KCNJ3: variants seen among roughly 807,000 people sequenced by gnomAD.
The protein encoded by KCNJ3 is potassium inwardly rectifying channel subfamily J member 3.
In KCNJ3, 4 loss-of-function variants were observed where a neutral mutation model predicts 39.2. That is an observed-to-expected ratio of 0.10 (90% CI 0.05 to 0.23). KCNJ3 has a LOEUF of 0.23. KCNJ3 is among the 10% of genes least tolerant of loss of function. The probability of loss-of-function intolerance (pLI) is 1.00; values close to 1 mark genes in which losing one functional copy is unlikely to be tolerated. For synonymous variants in KCNJ3, 230 were observed against 237.4 expected, an observed-to-expected ratio of 0.97 and a Z score of 0.29; for missense variants, 276 against 634.9, an observed-to-expected ratio of 0.43 and a Z score of 6.08.
chr2:154,783,243 G>A (rs1382876663), intron 2 of KCNJ3, among the ~76,000 whole-genome samples: 1 of 152,140 alleles, frequency 6.6e-6, no homozygotes, highest in Non-Finnish European at 1.5e-5. Context: ...GAAACAACAA[G>A]TAGGATTTTA....
At chr2:154,811,432 G>A (rs542458200) in intron 2 of KCNJ3, among the ~76,000 whole-genome samples, 1 of 152,172 alleles carries the variant, frequency 6.6e-6, no homozygotes, top group Non-Finnish European at 1.5e-5. Flanking sequence ...GACCACAGGT[G>A]CGCACCACCA....
intron 2 of KCNJ3, among the ~76,000 whole-genome samples, chr2:154,752,973 A>C (rs1685872558): frequency 1.3e-5 from 2 of 152,080 alleles, no homozygotes; most frequent in Admixed American, 6.5e-5. Context: ...ACTGTTAATA[A>C]AAATTATATT....
chr2:154,856,825 A>G lies in KCNJ3; in HGVS notation c.*1512A>G, dbSNP rs1156594049. The G allele has an allele frequency of 1.3e-5, 2 of 152,152 alleles. 1 individual carries two copies. Among genetic ancestry groups the G allele is most frequent in the East Asian group, 3.9e-4 (2 of 5,194 alleles). 9.4% of individuals were successfully genotyped at this position (152,152 alleles called of 1,614,324 possible). ...AATTTGGAATGCAGACTTTTATGAAAATTTAAAAGTGCTCCTTAACAGAAT... is the reference window on the plus strand; with the variant it reads ...AATTTGGAATGCAGACTTTTATGAAGATTTAAAAGTGCTCCTTAACAGAAT... On this transcript the variant is annotated 3_prime_UTR_variant, in exon 3 of 3. Transcript: ENST00000295101.
At chr2:154,706,354 A>C (rs1166425306) in intron 1 of KCNJ3, among the ~76,000 whole-genome samples, 1 of 152,148 alleles carries the variant, frequency 6.6e-6, no homozygotes, top group Non-Finnish European at 1.5e-5. Context: ...ACAATGAAGA[A>C]AGGTCAAACT....
intron 2 of KCNJ3, among the ~76,000 whole-genome samples, chr2:154,762,085 C>T (rs1413568623): frequency 3.3e-5 from 5 of 152,110 alleles, no homozygotes; most frequent in African/African-American, 7.2e-5. Context: ...AAGGAATGAA[C>T]GCTCCCTTGG....
chr2:154,747,844 G>T (rs982911550), intron 2 of KCNJ3, among the ~76,000 whole-genome samples: 1 of 151,988 alleles, frequency 6.6e-6, no homozygotes, highest in Non-Finnish European at 1.5e-5. Context: ...AGGGACCTTG[G>T]TTTGGGGAAA....
intron 2 of KCNJ3, among the ~76,000 whole-genome samples, chr2:154,824,888 G>A (rs1316966233): frequency 6.6e-6 from 1 of 152,180 alleles, no homozygotes; most frequent in Non-Finnish European, 1.5e-5. Flanking sequence ...ACTAATGACT[G>A]CAGTGGGGTC....
chr2:154,785,498 G>A (rs1686512274), intron 2 of KCNJ3, among the ~76,000 whole-genome samples: 1 of 152,132 alleles, frequency 6.6e-6, no homozygotes, highest in Admixed American at 6.5e-5. Flanking sequence ...TAGGTCATAA[G>A]GGATCCACTC....
chr2:154,826,221 A>G (rs1687270027), intron 2 of KCNJ3, among the ~76,000 whole-genome samples: 1 of 152,182 alleles, frequency 6.6e-6, no homozygotes, highest in Non-Finnish European at 1.5e-5. Context: ...TACGAGACTA[A>G]TCATTAGAAG....
chr2:154,850,382 C>G (rs936103664), intron 2 of KCNJ3, among the ~76,000 whole-genome samples: 1 of 152,108 alleles, frequency 6.6e-6, no homozygotes, highest in African/African-American at 2.4e-5. Flanking sequence ...CATGCATGTT[C>G]TTAGAAACCA....
intron 2 of KCNJ3, among the ~76,000 whole-genome samples, chr2:154,748,961 C>T (rs905489550): frequency 3.3e-5 from 5 of 152,118 alleles, no homozygotes; most frequent in Non-Finnish European, 7.4e-5. Flanking sequence ...TTTCAGCTGA[C>T]CTGACTTATT....
intron 2 of KCNJ3, among the ~76,000 whole-genome samples, chr2:154,751,258 G>T (rs1376860798): frequency 6.6e-6 from 1 of 151,900 alleles, no homozygotes; most frequent in Non-Finnish European, 1.5e-5. Flanking sequence ...TTTAATATAT[G>T]CTATACATTT....
At chr2:154,770,154 T>C (rs1010057171) in intron 2 of KCNJ3, among the ~76,000 whole-genome samples, 10 of 152,212 alleles carry the variant, frequency 6.6e-5, no homozygotes, top group Admixed American at 1.3e-4. Flanking sequence ...GTATCAAACA[T>C]ATTTGCCACA....
chr2:154,714,122 C>A (rs1685145255), intron 2 of KCNJ3, among the ~76,000 whole-genome samples: 1 of 152,152 alleles, frequency 6.6e-6, no homozygotes, highest in African/African-American at 2.4e-5. Context: ...TCTTTTATAG[C>A]TACAAATGTT....
At chr2:154,748,041 C>T (rs1166600116) in intron 2 of KCNJ3, among the ~76,000 whole-genome samples, 3 of 151,872 alleles carry the variant, frequency 2.0e-5, no homozygotes, top group Non-Finnish European at 4.4e-5. Context: ...GTTGAGGCCC[C>T]CTGCCTCCAT....
intron 2 of KCNJ3, among the ~76,000 whole-genome samples, chr2:154,764,227 G>A (rs1686094479): frequency 6.6e-6 from 1 of 152,126 alleles, no homozygotes; most frequent in Non-Finnish European, 1.5e-5. Context: ...GAGCGTTAAG[G>A]GGTGAAAATA....
intron 1 of KCNJ3, among the ~76,000 whole-genome samples, chr2:154,706,224 G>A (rs190931144): frequency 2.3e-3 from 344 of 151,992 alleles, no homozygotes; most frequent in Middle Eastern, 6.8e-3. Context: ...TCTAGAAAAC[G>A]ATCCTGGTTC....
At chr2:154,725,144 G>A in intron 2 of KCNJ3, among the ~76,000 whole-genome samples, 1 of 150,700 alleles carries the variant, frequency 6.6e-6, no homozygotes, top group African/African-American at 2.4e-5. Context: ...TTGTTTGTTT[G>A]TTTGAAAATA....
chr2:154,845,703 G>A (rs1312844954), intron 2 of KCNJ3, among the ~76,000 whole-genome samples: 1 of 152,058 alleles, frequency 6.6e-6, no homozygotes, highest in Non-Finnish European at 1.5e-5. Context: ...AGGTACAGTG[G>A]CTCACGCCTG....
Sources: gnomAD v4.1 joint callset for allele counts (sites outside exome capture counted in the v4.1 genomes callset) on GRCh38, gnomAD v4.1.1 for gene constraint, MANE v1.5 for transcripts, NCBI Gene and HGNC (gene_info 2026-07-23, HGNC 2026-07-21) for gene names.